RTN4: variants seen among roughly 807,000 people sequenced by gnomAD.
RTN4 encodes the protein reticulon 4, also known as reticulon-4.
In RTN4, 32 loss-of-function variants were observed where a neutral mutation model predicts 90.4. That is an observed-to-expected ratio of 0.35 (90% CI 0.27 to 0.48). RTN4 has a LOEUF of 0.48. RTN4 is among the 20% of genes least tolerant of loss of function. The probability of loss-of-function intolerance (pLI) is 0.99; values close to 1 mark genes in which losing one functional copy is unlikely to be tolerated. For synonymous variants in RTN4, 629 were observed against 552.5 expected (o/e 1.14, Z -1.94); for missense variants, 1,706 against 1,430.2 (o/e 1.19, Z -3.11).
the RTN4 span, among the ~76,000 whole-genome samples, chr2:55,130,382 A>C: frequency 2.8e-4 from 42 of 152,214 alleles, no homozygotes; most frequent in Admixed American, 2.3e-3. Context: ...ATGGCCAAAA[A>C]AAAGTATGTG....
intron 3 of RTN4, among the ~76,000 whole-genome samples, chr2:54,988,194 G>A (rs780655440): frequency 6.6e-6 from 1 of 152,168 alleles, no homozygotes; most frequent in Non-Finnish European, 1.5e-5. Context: ...GCGCATGCCT[G>A]TAATTCCAGC....
At chr2:55,032,555 A>C (rs1039869588) in intron 1 of RTN4, among the ~76,000 whole-genome samples, 4 of 152,192 alleles carry the variant, frequency 2.6e-5, no homozygotes, top group African/African-American at 9.7e-5. Flanking sequence ...GATGAGCTTA[A>C]AGGCAGATTA....
intron 4 of RTN4, among the ~76,000 whole-genome samples, chr2:54,984,394 A>T (rs543182996): frequency 1.2e-4 from 19 of 152,364 alleles, no homozygotes; most frequent in African/African-American, 4.3e-4. Flanking sequence ...TGAATTATTA[A>T]TATCAAGTTA....
At chr2:54,998,228 G>C (rs1679593511) in intron 3 of RTN4, among the ~76,000 whole-genome samples, 1 of 141,174 alleles carries the variant, frequency 7.1e-6, no homozygotes, top group Non-Finnish European at 1.5e-5. Context: ...GGTGTGGGGG[G>C]CTTTTTTTGG....
intron 2 of RTN4, among the ~76,000 whole-genome samples, chr2:55,071,897 A>C (rs976211697): frequency 5.3e-5 from 8 of 152,234 alleles, no homozygotes; most frequent in Admixed American, 6.5e-5. Flanking sequence ...TAGCTTGAGA[A>C]TTTTGGAACC....
At chr2:55,035,358 GTTT>G (rs1682603329) in intron 1 of RTN4, among the ~76,000 whole-genome samples, 1 of 151,980 alleles carries the variant, frequency 6.6e-6, no homozygotes, top group African/African-American at 2.4e-5. Context: ...ATCCTCAAAT[GTTT>G]AAAAACGAAA....
upstream of RTN4, among the ~76,000 whole-genome samples, chr2:55,116,076 G>C (rs991408678): frequency 2.7e-5 from 4 of 149,478 alleles, no homozygotes; most frequent in Non-Finnish European, 5.9e-5. Flanking sequence ...ATATAACAAG[G>C]AGATGGGGAC....
intron 5 of RTN4, among the ~76,000 whole-genome samples, chr2:54,977,951 A>T (rs545732313): frequency 5.3e-4 from 81 of 152,292 alleles, no homozygotes; most frequent in African/African-American, 1.8e-3. Context: ...ATCATTTCAC[A>T]CCGGTGTTTA....
chr2:55,072,103 A>G (rs1668523367), intron 2 of RTN4, among the ~76,000 whole-genome samples: 2 of 151,978 alleles, frequency 1.3e-5, no homozygotes, highest in Non-Finnish European at 1.5e-5. Flanking sequence ...TGGGTGTGCC[A>G]CAATTGGTGT....
chr2:55,117,234 C>T (rs146878318), upstream of RTN4, among the ~76,000 whole-genome samples: 317 of 152,330 alleles, frequency 2.1e-3, 2 homozygotes, highest in Middle Eastern at 0.024. Context: ...TAAAGACAGA[C>T]ATGTGAGACC....
rs1163342877 is a variant in RTN4 at position 55,070,563 on chromosome 2, A to AG, written c.-63+9925_-63+9926insC. On this transcript the variant is annotated intron_variant, in intron 2 of 3. Transcript: ENST00000427710. ...TCTGTCTCAAAAAAAAAAAAAAAAA[A>AG]AAAGAAAGAAAGAAAGAAAAATAAA... Among the ~76,000 whole-genome samples, 311 of 148,546 alleles carry AG rather than the reference A, an allele frequency of 2.1e-3. 1 individual carries two copies. Among genetic ancestry groups the AG allele is most frequent in the Middle Eastern group, 6.8e-3 (2 of 292 alleles).
intron 3 of RTN4, among the ~76,000 whole-genome samples, chr2:54,994,663 A>T (rs1558779278): frequency 6.6e-6 from 1 of 152,234 alleles, no homozygotes; most frequent in Non-Finnish European, 1.5e-5. Flanking sequence ...TAGGAACAAG[A>T]CAAGTACATC....
At position 55,025,499 on chromosome 2, in the gene RTN4, A is replaced by C; in HGVS notation, c.2600T>G (p.Ile867Ser). Residue 867 changes from isoleucine (I) to serine (S), a missense_variant, in exon 3 of 9, where the codon ATT (isoleucine) becomes AGT (serine). By Grantham distance (142) the Ile-to-Ser change is moderately radical. Coordinates refer to ENST00000337526, the MANE Select transcript of RTN4 (RefSeq NM_020532.5). ...GATCAATGTAGGGAACTCATCTATAATTTCAATTGGAGATGAATCTGAAAA... is the reference window on the plus strand; with the variant it reads ...GATCAATGTAGGGAACTCATCTATACTTTCAATTGGAGATGAATCTGAAAA... ...ETFSDSSPIE[I>S]IDEFPTLISS... The C allele has an allele frequency of 6.2e-7, 1 of 1,613,724 alleles. No homozygotes were observed.
At chr2:55,016,188 A>T (rs190634856) in intron 3 of RTN4, among the ~76,000 whole-genome samples, 160 of 152,342 alleles carry the variant, frequency 1.1e-3, no homozygotes, top group African/African-American at 3.4e-3. Flanking sequence ...AAGACATGGA[A>T]ATGTTTGCAT....
chr2:55,008,237 T>C (rs186872491), intron 3 of RTN4, among the ~76,000 whole-genome samples: 211 of 151,612 alleles, frequency 1.4e-3, no homozygotes, highest in African/African-American at 4.8e-3. Context: ...GCTATACTGG[T>C]GGTCAGGGGG....
intron 1 of RTN4, among the ~76,000 whole-genome samples, chr2:55,086,848 C>T (rs1206960756): frequency 3.6e-5 from 5 of 137,302 alleles, no homozygotes; most frequent in South Asian, 4.6e-4. Context: ...TTTTTGTAGA[C>T]GATTTCTCAC....
intron 1 of RTN4, among the ~76,000 whole-genome samples, chr2:55,107,267 T>C (rs930566525): frequency 6.6e-6 from 1 of 151,844 alleles, no homozygotes; most frequent in Non-Finnish European, 1.5e-5. Flanking sequence ...TTTTCTTGTA[T>C]TGGCATAATC....
At position 55,103,984 on chromosome 2, in the gene RTN4, C is replaced by T. The variant is rs182995723; in HGVS notation, c.-214+8536G>A. Among the ~76,000 whole-genome samples, 57 of 151,898 alleles carry T rather than the reference C, an allele frequency of 3.8e-4. 1 individual carries two copies. The East Asian group carries it at 7.0e-3, about 19-fold the overall frequency. On this transcript the variant is annotated intron_variant, in intron 1 of 3. Coordinates refer to the RTN4 transcript ENST00000427710. ...TGCTGCAATTACAGGAATGAGCCAC[C>T]GCACCTGGCCTATGTGTAGCTTTTT... is the stretch of plus-strand genomic sequence containing the variant.
intron 5 of RTN4, among the ~76,000 whole-genome samples, chr2:54,978,753 T>TA (rs1303856268): frequency 6.6e-6 from 1 of 152,138 alleles, no homozygotes; most frequent in Non-Finnish European, 1.5e-5. Flanking sequence ...CTATAAATTT[T>TA]AAAAAACTCA....
Sources: gnomAD v4.1 joint callset for allele counts (sites outside exome capture counted in the v4.1 genomes callset) on GRCh38, gnomAD v4.1.1 for gene constraint, MANE v1.5 for transcripts, NCBI Gene and HGNC (gene_info 2026-07-23, HGNC 2026-07-21) for gene names.